Variants in NUP214 observed in about 807,000 individuals in gnomAD.
The protein encoded by NUP214 is nuclear pore complex protein Nup214.
Under a neutral mutation model 196.2 loss-of-function variants are expected in NUP214, and 79 were observed. The observed-to-expected ratio is 0.40, with a 90% confidence interval of 0.34 to 0.49. The LOEUF (loss-of-function observed/expected upper bound fraction) is 0.49. NUP214 is among the 20% of genes least tolerant of loss of function. The pLI, the probability that NUP214 is intolerant of heterozygous loss-of-function variation, is 0.58. For synonymous variants in NUP214, 1,020 were observed against 990.5 expected, an observed-to-expected ratio of 1.03 and a Z score of -0.56; for missense variants, 2,468 against 2,539.0, an observed-to-expected ratio of 0.97 and a Z score of 0.60.
Position 131,154,446 on chromosome 9 carries a change from G to GTCTGTCTA in NUP214, c.2436+2555_2436+2556insGTCTATCT, listed in dbSNP as rs1335968323. On this transcript the variant is annotated intron_variant, in intron 17 of 35. Transcript: ENST00000359428. ...TGTCTATCTATCTGTCTGTCTGTCT[G>GTCTGTCTA]TCTATCTATCTATTTATTTATTCAT... Among the ~76,000 whole-genome samples the GTCTGTCTA allele has an allele frequency of 1.9e-3, 293 of 151,942 alleles. 3 individuals are homozygous for GTCTGTCTA. The highest frequency in any genetic ancestry group is 6.8e-3 in the African/African-American group (280 of 41,354).
At position 131,125,599 on chromosome 9, in the gene NUP214, C is replaced by A; in HGVS notation, c.-106C>A. The A allele has an allele frequency of 6.5e-7, 1 of 1,548,140 alleles. No individual in the cohort carries two copies. Among genetic ancestry groups the A allele is most frequent in the South Asian group, 1.2e-5 (1 of 83,782 alleles). ...CGCCGGAAATGCGAGGTCAACTGCG[C>A]GCCGCTGGCGCTGAGGGGAGGAAGT... On this transcript the variant is annotated 5_prime_UTR_variant, in exon 1 of 36. Coordinates refer to ENST00000359428, the MANE Select transcript of NUP214 (RefSeq NM_005085.4). The surrounding 1 kb of genome is among the most constrained non-coding windows in gnomAD (Gnocchi z 4.1).
At chr9:131,174,378 A>T in intron 22 of NUP214, 60 bp downstream of exon 22, 1 of 1,548,744 alleles carries the variant, frequency 6.5e-7, no homozygotes, top group Non-Finnish European at 8.7e-7. Flanking sequence ...CTAATGACGG[A>T]ATTGTAACTG....
intron 18 of NUP214, among the ~76,000 whole-genome samples, chr9:131,160,591 T>A (rs777270412): frequency 2.0e-5 from 3 of 152,226 alleles, no homozygotes; most frequent in Non-Finnish European, 4.4e-5. Context: ...CTGAAACACC[T>A]ACACTTGATT....
At chr9:131,143,328 TC>T (rs1411223082) in intron 11 of NUP214, among the ~76,000 whole-genome samples, 5 of 152,184 alleles carry the variant, frequency 3.3e-5, no homozygotes, top group Non-Finnish European at 7.4e-5. Context: ...CTTTTTTTTT[TC>T]TTTTTAACCA....
chr9:131,209,585 A>T (rs760075018), intron 30 of NUP214, among the ~76,000 whole-genome samples: 1 of 151,848 alleles, frequency 6.6e-6, no homozygotes, highest in Non-Finnish European at 1.5e-5. Flanking sequence ...GTAGAGTTGG[A>T]GTTTCACCAT....
chr9:131,234,454 C>G lies in NUP214; in HGVS notation c.*967C>G. ...ATCTTTAATGCAGTATCTTTGAGGC[C>G]TGTAACATCCTAGATAGTTGCCATC... On this transcript the variant is annotated 3_prime_UTR_variant, in exon 36 of 36. Transcript: ENST00000359428. 4.3e-6 allele frequency: 1 copy of G among 231,846 alleles called. No individual in the cohort carries two copies. Among genetic ancestry groups the G allele is most frequent in the East Asian group, 6.1e-5 (1 of 16,406 alleles). The allele number at this position is 231,846 out of a possible 1,614,324, so 14.4% of individuals were successfully genotyped here.
chr9:131,206,148 C>CTTTTTT lies in NUP214; in HGVS notation c.5592+4440_5592+4445dup, dbSNP rs71265048. Reference sequence around the variant, plus strand: ...TCCACATAGAATTTTTTTCTTTTTTCTTTTTTTTTTTTTTGAGACAGGGTT... The same window carrying CTTTTTT: ...TCCACATAGAATTTTTTTCTTTTTTCTTTTTTTTTTTTTTTTTTTTGAGACAGGGTT... On this transcript the variant is annotated intron_variant, in intron 30 of 35. Transcript: ENST00000359428. Among the ~76,000 whole-genome samples the CTTTTTT allele has an allele frequency of 1.3e-3, 103 of 76,378 alleles. 16 individuals are homozygous for CTTTTTT. The highest frequency in any genetic ancestry group is 3.0e-3 in the African/African-American group (57 of 18,836). 50.1% of individuals were successfully genotyped at this position (76,378 alleles called of 152,430 possible). A position where few individuals can be genotyped will look rare whatever the true frequency, so the allele number is the denominator to read the frequency against.
At chr9:131,140,772 C>T (rs1159272283) in intron 11 of NUP214, 62 bp downstream of exon 11, 1 of 1,481,548 alleles carries the variant, frequency 6.7e-7, no homozygotes, top group Non-Finnish European at 9.2e-7. Flanking sequence ...AGAGTATTTC[C>T]AAGAATGAAC....
intron 24 of NUP214, among the ~76,000 whole-genome samples, chr9:131,184,219 C>T (rs1270824278): frequency 2.6e-5 from 4 of 151,232 alleles, no homozygotes; most frequent in Admixed American, 1.3e-4. Context: ...TTAGTAGAGA[C>T]GGGGTTTAAC....
Position 131,146,883 on chromosome 9 carries a change from T to C in NUP214, c.1945+579T>C, listed in dbSNP as rs1284068712. Among the ~76,000 whole-genome samples, 2 of 149,906 alleles carry C rather than the reference T, an allele frequency of 1.3e-5. No homozygotes were observed. Among genetic ancestry groups the C allele is most frequent in the Non-Finnish European group, 3.0e-5 (2 of 67,764 alleles). On this transcript the variant is annotated intron_variant, in intron 13 of 35. Coordinates refer to ENST00000359428, the MANE Select transcript of NUP214 (RefSeq NM_005085.4). The surrounding 1 kb of genome is among the most constrained non-coding windows in gnomAD (Gnocchi z 4.6). ...AGGCAGAGATTGCAGGGAGTCGAGA[T>C]CACGCCACTGCTCTCCAGCCTGGCG... is the stretch of plus-strand genomic sequence containing the variant.
intron 21 of NUP214, among the ~76,000 whole-genome samples, chr9:131,166,635 G>A (rs945662620): frequency 2.6e-5 from 4 of 152,122 alleles, no homozygotes; most frequent in Admixed American, 1.3e-4. Flanking sequence ...GTATATCCCT[G>A]TAGCCTCTAC....
At chr9:131,204,610 A>G (rs1400619359) in intron 30 of NUP214, among the ~76,000 whole-genome samples, 5 of 152,246 alleles carry the variant, frequency 3.3e-5, no homozygotes, top group Non-Finnish European at 7.3e-5. Context: ...TGACCTAACT[A>G]GAAGGTAGGT....
chr9:131,193,895 C>T (rs1833697898), intron 27 of NUP214: 1 of 151,156 alleles, frequency 6.6e-6, no homozygotes, highest in Admixed American at 6.6e-5. Context: ...AAGTGATCCA[C>T]CCGCCTTAGC....
At chr9:131,165,423 G>T (rs1832760259) in intron 21 of NUP214, among the ~76,000 whole-genome samples, 1 of 152,090 alleles carries the variant, frequency 6.6e-6, no homozygotes, top group South Asian at 2.1e-4. Context: ...TTTGTGTCTT[G>T]ATTTTTTTCT....
chr9:131,140,681 TAGA>T lies in NUP214; in HGVS notation c.1268_1270del (p.Glu423del), dbSNP rs1831882237. On this transcript the variant is annotated inframe_deletion, in exon 11 of 36. Transcript: ENST00000359428. ...ATCAAAACACCAGAGCGACTTTCAT[TAGA>T]AGGAGAGCGACAGCCCAAGTCACCA... 6.2e-7 allele frequency: 1 copy of T among 1,613,884 alleles called. No homozygotes were observed.
intron 11 of NUP214, among the ~76,000 whole-genome samples, chr9:131,143,797 T>C (rs527254554): frequency 1.3e-5 from 2 of 152,258 alleles, no homozygotes; most frequent in East Asian, 3.9e-4. Flanking sequence ...ATCTTAACCT[T>C]CTCCCTTTGC....
chr9:131,204,629 G>A (rs1182590983), intron 30 of NUP214, among the ~76,000 whole-genome samples: 1 of 152,164 alleles, frequency 6.6e-6, no homozygotes, highest in East Asian at 1.9e-4. Context: ...GTTAAGGTGA[G>A]TTACCTGGAA....
intron 17 of NUP214, among the ~76,000 whole-genome samples, chr9:131,153,559 A>G (rs1832337805): frequency 6.6e-6 from 1 of 151,894 alleles, no homozygotes; most frequent in African/African-American, 2.4e-5. Flanking sequence ...GTGCCTTTCC[A>G]CCTCTTTCTC....
chr9:131,163,053 T>C lies in NUP214; in HGVS notation c.2603T>C (p.Ile868Thr). 1 of 1,614,100 alleles carries C rather than the reference T, an allele frequency of 6.2e-7. No homozygotes were observed. The highest frequency in any genetic ancestry group is 1.7e-5 in the Admixed American group (1 of 60,002). The change falls in exon 19 of 36, where the codon ATC becomes ACC. Residue 868 changes from isoleucine to threonine, a missense_variant. Transcript: ENST00000359428. ...FNTLANNREI[I>T]NQQRKRLNHL... is the part of the protein sequence containing the mutation. ...ACCCTAGCCAACAATCGGGAAATCA[T>C]CAACCAACAGAGGAAGAGGCTGAAT... is the stretch of plus-strand genomic sequence containing the variant.
Sources: allele counts gnomAD v4.1 joint callset (sites outside exome capture counted in the v4.1 genomes callset), GRCh38; gene constraint gnomAD v4.1.1; non-coding constraint Gnocchi (gnomAD v3.1); transcripts MANE v1.5; gene names NCBI Gene and HGNC (gene_info 2026-07-23, HGNC 2026-07-21).